Variants in PDZRN4 observed in about 807,000 individuals in gnomAD.
PDZRN4 encodes the protein PDZ domain containing ring finger 4, also known as PDZ domain-containing RING finger protein 4.
PDZRN4 carries 70 observed loss-of-function variants against 99.0 expected under a neutral mutation model. The observed-to-expected ratio is 0.71, with a 90% CI of 0.58 to 0.86. The LOEUF (loss-of-function observed/expected upper bound fraction) is 0.86, where lower values mean the gene tolerates loss of function less well. Among genes scored for constraint, PDZRN4 ranks in the 40% least tolerant of loss-of-function variants. The pLI, the probability that PDZRN4 is intolerant of heterozygous loss-of-function variation, is 0.00. For missense variants in PDZRN4, 1,474 were observed against 1,331.2 expected (o/e 1.11, Z -1.67); for synonymous variants, 551 against 501.6 (o/e 1.10, Z -1.32).
At chr12:41,210,663 C>T (rs1437217688) in intron 3 of PDZRN4, among the ~76,000 whole-genome samples, 1 of 151,840 alleles carries the variant, frequency 6.6e-6, no homozygotes, top group Non-Finnish European at 1.5e-5. Flanking sequence ...TATTAAAACC[C>T]ACTATTTCTT....
chr12:41,553,696 C>T (rs1005698970), intron 6 of PDZRN4, among the ~76,000 whole-genome samples: 1 of 151,854 alleles, frequency 6.6e-6, no homozygotes, highest in Non-Finnish European at 1.5e-5. Context: ...CAGAATGAGA[C>T]CCTGTCTCTA....
chr12:41,274,198 C>T (rs1293545984), intron 3 of PDZRN4, among the ~76,000 whole-genome samples: 2 of 151,640 alleles, frequency 1.3e-5, no homozygotes, highest in Non-Finnish European at 2.9e-5. Flanking sequence ...CTGGTATTTT[C>T]CTTTTGAAAA....
chr12:41,302,935 TACACACAC>T (rs71846165), intron 3 of PDZRN4, among the ~76,000 whole-genome samples: 14 of 127,224 alleles, frequency 1.1e-4, no homozygotes, highest in South Asian at 7.8e-4. Context: ...ATATATAAAA[TACACACAC>T]ACACACACAC....
intron 3 of PDZRN4, among the ~76,000 whole-genome samples, chr12:41,377,199 T>A (rs1160655354): frequency 6.6e-6 from 1 of 152,182 alleles, no homozygotes. Context: ...CAAGATTACT[T>A]CTACTATTAG....
At chr12:41,363,979 T>A (rs1359383424) in intron 3 of PDZRN4, among the ~76,000 whole-genome samples, 2 of 152,098 alleles carry the variant, frequency 1.3e-5, no homozygotes, top group Non-Finnish European at 2.9e-5. Context: ...GGGCCCTTCA[T>A]TTGCTTGTCT....
chr12:41,336,013 A>T (rs940803769), intron 3 of PDZRN4, among the ~76,000 whole-genome samples: 1 of 152,140 alleles, frequency 6.6e-6, no homozygotes, highest in Non-Finnish European at 1.5e-5. Flanking sequence ...TTTTAGAAAT[A>T]GTCATAGCCC....
At chr12:41,212,575 C>T (rs1950895544) in intron 3 of PDZRN4, among the ~76,000 whole-genome samples, 2 of 151,914 alleles carry the variant, frequency 1.3e-5, no homozygotes, top group Admixed American at 1.3e-4. Context: ...TAAATGTTTG[C>T]CTAGCTTTTG....
chr12:41,307,316 A>G (rs1270574711), intron 3 of PDZRN4, among the ~76,000 whole-genome samples: 4 of 152,216 alleles, frequency 2.6e-5, no homozygotes, highest in Admixed American at 2.0e-4. Flanking sequence ...CCTGGCATGC[A>G]GATGGCTGCC....
chr12:41,277,224 A>T (rs1019302553), intron 3 of PDZRN4, among the ~76,000 whole-genome samples: 11 of 152,198 alleles, frequency 7.2e-5, no homozygotes, highest in African/African-American at 2.7e-4. Flanking sequence ...GAACCAGCAG[A>T]TGGCAGAGTA....
At position 41,509,804 on chromosome 12, in the gene PDZRN4, C is replaced by T; in HGVS notation, c.1101-7C>T. ...CTATTCCTATCATATTGCTACATTCCCCATAGCTGCCATTCTCTACATCCA... is the reference window on the plus strand; with the variant it reads ...CTATTCCTATCATATTGCTACATTCTCCATAGCTGCCATTCTCTACATCCA... On this transcript the variant is annotated splice_region_variant and splice_polypyrimidine_tract_variant and intron_variant, in intron 4 of 9. Transcript: ENST00000402685. 2 of 1,380,562 alleles carry T rather than the reference C, an allele frequency of 1.4e-6. No individual in the cohort carries two copies. Among genetic ancestry groups the T allele is most frequent in the South Asian group, 1.2e-5 (1 of 82,254 alleles). The allele number at this position is 1,380,562 out of a possible 1,614,324, so 85.5% of individuals were successfully genotyped here. A position where few individuals can be genotyped will look rare whatever the true frequency, so the allele number is the denominator to read the frequency against.
intron 3 of PDZRN4, among the ~76,000 whole-genome samples, chr12:41,306,530 C>G (rs923060972): frequency 1.3e-5 from 2 of 152,130 alleles, no homozygotes; most frequent in Admixed American, 1.3e-4. Context: ...TGATTCGGTC[C>G]ATAGTTCACA....
chr12:41,387,592 C>A (rs1313370296), intron 3 of PDZRN4, among the ~76,000 whole-genome samples: 1 of 152,016 alleles, frequency 6.6e-6, no homozygotes, highest in Non-Finnish European at 1.5e-5. Context: ...ACTCCAACAA[C>A]AACAACAACA....
At chr12:41,255,898 A>G (rs538576078) in intron 3 of PDZRN4, among the ~76,000 whole-genome samples, 3 of 152,222 alleles carry the variant, frequency 2.0e-5, no homozygotes, top group Admixed American at 6.5e-5. Flanking sequence ...GAACTCACTT[A>G]TTGCCATGGG....
chr12:41,227,738 G>C (rs1048711238), intron 3 of PDZRN4, among the ~76,000 whole-genome samples: 1 of 152,024 alleles, frequency 6.6e-6, no homozygotes. Flanking sequence ...ATGTGCATAT[G>C]AGATATATGC....
chr12:41,276,575 T>A (rs186899584), intron 3 of PDZRN4, among the ~76,000 whole-genome samples: 5 of 152,184 alleles, frequency 3.3e-5, no homozygotes, highest in African/African-American at 1.2e-4. Context: ...TTCTGCTAAG[T>A]GTTTCCCATT....
At chr12:41,256,811 C>G (rs1951207333) in intron 3 of PDZRN4, among the ~76,000 whole-genome samples, 1 of 152,134 alleles carries the variant, frequency 6.6e-6, no homozygotes, top group African/African-American at 2.4e-5. Context: ...TGTCATCTGC[C>G]TATCTCAGGG....
At position 41,573,379 on chromosome 12, in the gene PDZRN4, A is replaced by G. The variant is rs1199646876; in HGVS notation, c.2600A>G (p.Gln867Arg). ...IQQKSAVEYA[Q>R]SQLSLVSMCK... ...CAGAAATCTGCAGTCGAGTATGCTC[A>G]GAGTCAGCTCAGCTTGGTGAGCATG... Residue 867 changes from glutamine (Q) to arginine (R), a missense_variant, in exon 10 of 10, where the codon CAG (glutamine) becomes CGG (arginine). By Grantham distance (43) the Gln-to-Arg change is conservative. Transcript: ENST00000402685. The G allele has an allele frequency of 6.2e-7, 1 of 1,613,534 alleles. No homozygotes were observed. The highest frequency in any genetic ancestry group is 8.5e-7 in the Non-Finnish European group (1 of 1,180,008).
chr12:41,482,959 T>A (rs1937701093), intron 3 of PDZRN4, among the ~76,000 whole-genome samples: 1 of 152,064 alleles, frequency 6.6e-6, no homozygotes, highest in Non-Finnish European at 1.5e-5. Flanking sequence ...TGCAATTATT[T>A]GTATTTATAT....
intron 3 of PDZRN4, among the ~76,000 whole-genome samples, chr12:41,240,826 A>T (rs1203406350): frequency 1.3e-5 from 2 of 152,156 alleles, no homozygotes; most frequent in Non-Finnish European, 2.9e-5. Flanking sequence ...CAAAGCCCTT[A>T]TTACCTACTC....
Sources: allele counts gnomAD v4.1 joint callset (sites outside exome capture counted in the v4.1 genomes callset), GRCh38; gene constraint gnomAD v4.1.1; transcripts MANE v1.5; gene names NCBI Gene and HGNC (gene_info 2026-07-23, HGNC 2026-07-21).